Variants in XK observed in about 807,000 individuals in gnomAD.
XK encodes the protein X-linked Kx blood group antigen, Kell and VPS13A binding protein.
In XK, 2 loss-of-function variants were observed where a neutral mutation model predicts 14.0. The ratio of observed to expected loss-of-function variants is 0.14; its 90% CI spans 0.06 to 0.45. The LOEUF is 0.45. Among genes scored for constraint, XK ranks in the 20% least tolerant of loss-of-function variants. The pLI, the probability that XK is intolerant of heterozygous loss-of-function variation, is 0.98. For synonymous variants in XK, 149 were observed against 147.5 expected (o/e 1.01, Z -0.08); for missense variants, 235 against 341.5 (o/e 0.69, Z 2.46).
intron 2 of XK, among the ~76,000 whole-genome samples, chrX:37,697,639 T>C (rs1289885879): frequency 1.8e-5 from 2 of 112,261 alleles, no homozygotes; most frequent in Admixed American, 1.9e-4. Flanking sequence ...ACATGGTCAC[T>C]GGAGAGTTAT....
At position 37,703,858 on chromosome X, in the gene XK, A is replaced by G. The variant is rs375043476; in HGVS notation, c.508+9310A>G. On this transcript the variant is annotated intron_variant, in intron 2 of 2. Coordinates refer to ENST00000378616, the MANE Select transcript of XK (RefSeq NM_021083.4). ...TTGGATTTCTTGGGAAGCACTCAAT[A>G]ACTCACTCCCAAGAATATTCACTTG... Among the ~76,000 whole-genome samples the G allele has an allele frequency of 1.1e-3, 122 of 112,756 alleles. No homozygotes were observed. In the South Asian group the frequency reaches 0.043, roughly 40 times the overall value.
rs964989299 is a variant in XK at position 37,729,967 on chromosome X, C to T, written c.*1505C>T. The T allele has an allele frequency of 9.9e-5, 11 of 111,609 alleles. No individual in the cohort carries two copies. The highest frequency in any genetic ancestry group is 2.0e-4 in the African/African-American group (6 of 30,736). The allele number at this position is 111,609 out of a possible 1,213,427, so 9.2% of individuals were successfully genotyped here. A position where few individuals can be genotyped will look rare whatever the true frequency, so the allele number is the denominator to read the frequency against. Reference sequence around the variant, plus strand: ...TTTGATAATCAGTTTCCACTACATTCGGAGGTCAAGAAAGCAGTATATATT... The same window carrying T: ...TTTGATAATCAGTTTCCACTACATTTGGAGGTCAAGAAAGCAGTATATATT... On this transcript the variant is annotated 3_prime_UTR_variant, in exon 3 of 3. Transcript: ENST00000378616.
intron 2 of XK, among the ~76,000 whole-genome samples, chrX:37,707,934 G>A (rs1556445733): frequency 8.9e-6 from 1 of 112,774 alleles, no homozygotes. Flanking sequence ...CTGAGTGAAC[G>A]AGACTCCGTC....
chrX:37,710,798 G>T (rs782642099), intron 2 of XK, among the ~76,000 whole-genome samples: 20 of 112,169 alleles, frequency 1.8e-4, no homozygotes, highest in Admixed American at 1.0e-3. Flanking sequence ...AGTATGTATC[G>T]GTGACTTGTC....
intron 2 of XK, among the ~76,000 whole-genome samples, chrX:37,720,266 A>G (rs1556448620): frequency 9.0e-6 from 1 of 110,753 alleles, no homozygotes; most frequent in Non-Finnish European, 1.9e-5. Context: ...TTTTCTTTCA[A>G]AAGTCTTAGC....
At chrX:37,688,062 T>TCTTTCTTTC (rs1556440606) in intron 1 of XK, among the ~76,000 whole-genome samples, 1 of 73,245 alleles carries the variant, frequency 1.4e-5, no homozygotes, top group Non-Finnish European at 2.4e-5. Flanking sequence ...TTTCTTTCTT[T>TCTTTCTTTC]TTTTTTTTTT....
intron 2 of XK, among the ~76,000 whole-genome samples, chrX:37,705,256 T>C (rs932627885): frequency 1.8e-4 from 19 of 106,813 alleles, no homozygotes; most frequent in African/African-American, 4.5e-4. Context: ...CCATCCTGGC[T>C]AACATGGTGA....
chrX:37,687,753 G>A (rs114977864), intron 1 of XK, among the ~76,000 whole-genome samples: 2 of 111,664 alleles, frequency 1.8e-5, no homozygotes, highest in African/African-American at 6.5e-5. Context: ...CAAACTTGGT[G>A]AACAAATTTC....
intron 2 of XK, among the ~76,000 whole-genome samples, chrX:37,699,605 T>A (rs905019493): frequency 4.5e-5 from 5 of 112,270 alleles, no homozygotes; most frequent in Admixed American, 9.4e-5. Flanking sequence ...AGAATGTAAA[T>A]GAGCTCACTG....
chrX:37,710,237 A>T (rs1927636968), intron 2 of XK, among the ~76,000 whole-genome samples: 1 of 111,736 alleles, frequency 8.9e-6, no homozygotes, highest in South Asian at 3.7e-4. Context: ...TTGTAGAGAG[A>T]GGATTTCAAA....
Position 37,685,911 on chromosome X carries a change from ACAG to A in XK, c.-49_-47del. ...CAACGGCCGCCGCCGCCACAGCCAC[ACAG>A]CCGCCGCCACTGCGTCCGTCCCCGG... is the stretch of plus-strand genomic sequence containing the variant. On this transcript the variant is annotated 5_prime_UTR_variant, in exon 1 of 3. Transcript: ENST00000378616. The A allele has an allele frequency of 8.5e-7, 1 of 1,170,492 alleles. No individual in the cohort carries two copies. Among genetic ancestry groups the A allele is most frequent in the Non-Finnish European group, 1.1e-6 (1 of 875,047 alleles).
chrX:37,709,598 A>G (rs1458485561), intron 2 of XK, among the ~76,000 whole-genome samples: 1 of 112,237 alleles, frequency 8.9e-6, no homozygotes, highest in Non-Finnish European at 1.9e-5. Flanking sequence ...CATAAATTAT[A>G]GAAGTCTGAA....
intron 1 of XK, 128 bp downstream of exon 1, chrX:37,686,334 G>A: frequency 1.8e-6 from 2 of 1,103,748 alleles, no homozygotes; most frequent in East Asian, 3.3e-5. Flanking sequence ...AAGCCGGTCC[G>A]CCATGCCCCT....
intron 1 of XK, among the ~76,000 whole-genome samples, chrX:37,692,852 A>G (rs1193992079): frequency 2.7e-5 from 3 of 111,997 alleles, no homozygotes; most frequent in African/African-American, 6.5e-5. Context: ...CCTGAACTTC[A>G]TTGACATTAT....
At chrX:37,707,761 A>G (rs1239794579) in intron 2 of XK, among the ~76,000 whole-genome samples, 1 of 109,801 alleles carries the variant, frequency 9.1e-6, no homozygotes, top group Non-Finnish European at 1.9e-5. Context: ...ATCCCAGATG[A>G]TGGGCGGCCA....
intron 2 of XK, among the ~76,000 whole-genome samples, chrX:37,723,743 T>C (rs1317184382): frequency 9.0e-6 from 1 of 111,339 alleles, no homozygotes; most frequent in Non-Finnish European, 1.9e-5. Flanking sequence ...TTACCTTAGA[T>C]TGTAATAATT....
intron 2 of XK, among the ~76,000 whole-genome samples, chrX:37,695,449 A>C (rs1556442351): frequency 9.0e-6 from 1 of 111,447 alleles, no homozygotes; most frequent in African/African-American, 3.3e-5. Flanking sequence ...AAAAAAAAAA[A>C]ACACTATTTG....
rs1481250264 is a variant in XK, at chrX:37,685,814, C to A, written c.-148C>A. The A allele has an allele frequency of 1.5e-5, 7 of 475,776 alleles. No individual in the cohort carries two copies. In the African/African-American group the frequency reaches 2.0e-4, roughly 13 times the overall value. 39.2% of individuals were successfully genotyped at this position (475,776 alleles called of 1,213,427 possible). Reference sequence around the variant, plus strand: ...CCAGAGCCCAGGCCGGTCGGCCGGGCCCGCGTGCCCTCGGCGGGCTGCGCA... The same window carrying A: ...CCAGAGCCCAGGCCGGTCGGCCGGGACCGCGTGCCCTCGGCGGGCTGCGCA... On this transcript the variant is annotated 5_prime_UTR_variant, in exon 1 of 3. Coordinates refer to ENST00000378616, the MANE Select transcript of XK (RefSeq NM_021083.4).
In XK at chrX:37,729,949, A is replaced by G. The variant is rs1006266734; in HGVS notation, c.*1487A>G. The G allele has an allele frequency of 2.7e-5, 3 of 111,936 alleles. No individual in the cohort carries two copies. The highest frequency in any genetic ancestry group is 5.6e-5 in the Non-Finnish European group (3 of 53,196). 9.2% of individuals were successfully genotyped at this position (111,936 alleles called of 1,213,427 possible). On this transcript the variant is annotated 3_prime_UTR_variant, in exon 3 of 3. Coordinates refer to ENST00000378616, the MANE Select transcript of XK (RefSeq NM_021083.4). Reference sequence around the variant, plus strand: ...ACACAGGAGAAAATGCAATTTGATAATCAGTTTCCACTACATTCGGAGGTC... The same window carrying G: ...ACACAGGAGAAAATGCAATTTGATAGTCAGTTTCCACTACATTCGGAGGTC...
Sources: allele counts gnomAD v4.1 joint callset (sites outside exome capture counted in the v4.1 genomes callset), GRCh38; gene constraint gnomAD v4.1.1; transcripts MANE v1.5; gene names NCBI Gene and HGNC (gene_info 2026-07-23, HGNC 2026-07-21).